PRIM2: variants seen among roughly 807,000 people sequenced by gnomAD.
PRIM2 encodes DNA primase subunit 2.
In PRIM2, 39 loss-of-function variants were observed where a neutral mutation model predicts 67.3. The observed-to-expected ratio is 0.58, with a 90% CI of 0.45 to 0.76. The LOEUF is 0.76. PRIM2 is among the 30% of genes least tolerant of loss of function. The pLI is 0.00. For synonymous variants in PRIM2, 143 were observed against 198.7 expected, an observed-to-expected ratio of 0.72 and a Z score of 2.36; for missense variants, 398 against 598.7, an observed-to-expected ratio of 0.66 and a Z score of 3.50.
the PRIM2 span, among the ~76,000 whole-genome samples, chr6:57,250,753 A>G: frequency 6.6e-6 from 1 of 152,190 alleles, no homozygotes; most frequent in African/African-American, 2.4e-5. Flanking sequence ...AAAAAGTGGT[A>G]AAAGATGAAG....
At position 57,542,939 on chromosome 6, in the gene PRIM2, A is replaced by ATTTTTTTTTTTTTTTTTTTTTT. The variant is rs1193756482; in HGVS notation, c.1020+5333_1020+5334insTTTTTTTTTTTTTTTTTTTTTT. Reference sequence around the variant, plus strand: ...GTTGGCTTAAAATACTGCTTATAGGATTTTTTTTTTTTTTTTTTTGAGACG... The same window carrying ATTTTTTTTTTTTTTTTTTTTTT: ...GTTGGCTTAAAATACTGCTTATAGGATTTTTTTTTTTTTTTTTTTTTTTTTTTTTTTTTTTTTTTTTGAGACG... On this transcript the variant is annotated intron_variant, in intron 10 of 13. Transcript: ENST00000615550. Among the ~76,000 whole-genome samples the ATTTTTTTTTTTTTTTTTTTTTT allele has an allele frequency of 1.7e-3, 122 of 71,876 alleles. 30 individuals carry two copies. Among genetic ancestry groups the ATTTTTTTTTTTTTTTTTTTTTT allele is most frequent in the African/African-American group, 2.0e-3 (30 of 14,772 alleles). 47.2% of individuals were successfully genotyped at this position (71,876 alleles called of 152,430 possible). A position where few individuals can be genotyped will look rare whatever the true frequency, so the allele number is the denominator to read the frequency against.
chr6:57,429,631 C>T (rs1331899611), intron 7 of PRIM2, among the ~76,000 whole-genome samples: 1 of 152,070 alleles, frequency 6.6e-6, no homozygotes. Flanking sequence ...TTTAAAGAGA[C>T]AATTAAGTTA....
Position 57,318,421 on chromosome 6 carries a change from T to C in PRIM2, c.-9-16T>C. 6.3e-7 allele frequency: 1 copy of C among 1,579,710 alleles called. No homozygotes were observed. The highest frequency in any genetic ancestry group is 1.2e-5 in the South Asian group (1 of 85,032). ...GTTTTCCATCATTTTACGCTTTTTG[T>C]GTACTTCCTTCTAAGGTGACCAAGA... is the stretch of plus-strand genomic sequence containing the variant. On this transcript the variant is annotated splice_polypyrimidine_tract_variant and intron_variant, in intron 1 of 13. Transcript: ENST00000615550.
In PRIM2 at chr6:57,478,326, GT is replaced by G. The variant is rs1266595712; in HGVS notation, c.694-29051del. ...TTTTATTAGTTGTTGTTGTGGTTGT[GT>G]TTTTTTTTTGTTTTTTTTTTTTTGA... On this transcript the variant is annotated intron_variant, in intron 7 of 13. Transcript: ENST00000615550. 5.8e-3 allele frequency among the ~76,000 whole-genome samples: 774 copies of G among 133,728 alleles called. 9 individuals carry two copies. The highest frequency in any genetic ancestry group is 0.022 in the African/African-American group (744 of 33,670). The allele number at this position is 133,728 out of a possible 152,430, so 87.7% of individuals were successfully genotyped here.
intron 5 of PRIM2, among the ~76,000 whole-genome samples, chr6:57,349,874 G>A (rs2127300029): frequency 6.6e-6 from 1 of 152,058 alleles, no homozygotes; most frequent in Middle Eastern, 3.4e-3. Flanking sequence ...GTTATATCTG[G>A]ATATTTTCCT....
At chr6:57,246,487 A>G in the PRIM2 span, among the ~76,000 whole-genome samples, 1 of 152,190 alleles carries the variant, frequency 6.6e-6, no homozygotes, top group Non-Finnish European at 1.5e-5. Context: ...ACGCCGTCCT[A>G]TCGGTGATGG....
chr6:57,382,847 G>A (rs890604364), intron 7 of PRIM2: 1 of 152,138 alleles, frequency 6.6e-6, no homozygotes, highest in Non-Finnish European at 1.5e-5. Context: ...TGACATGGCT[G>A]TTTTAAACTG....
the PRIM2 span, among the ~76,000 whole-genome samples, chr6:57,234,370 C>T: frequency 1.3e-5 from 2 of 152,158 alleles, no homozygotes; most frequent in Non-Finnish European, 2.9e-5. Context: ...TGTCATTGCA[C>T]TAGCATCACT....
chr6:57,395,041 A>C (rs1770476301), intron 7 of PRIM2, among the ~76,000 whole-genome samples: 1 of 151,874 alleles, frequency 6.6e-6, no homozygotes, highest in African/African-American at 2.4e-5. Flanking sequence ...TATCTTTTTG[A>C]TATGTTGTTG....
At chr6:57,631,740 T>C (rs1324524760) in intron 12 of PRIM2, among the ~76,000 whole-genome samples, 11 of 152,352 alleles carry the variant, frequency 7.2e-5, no homozygotes, top group Admixed American at 5.9e-4. Context: ...GTATACTTGA[T>C]TGCTTCATGC....
At chr6:57,605,899 CA>C (rs1187319613) in intron 11 of PRIM2, among the ~76,000 whole-genome samples, 2 of 152,108 alleles carry the variant, frequency 1.3e-5, no homozygotes, top group Admixed American at 6.6e-5. Flanking sequence ...AGGAAATAGG[CA>C]TATAATTTAC....
chr6:57,429,862 G>A (rs1771760401), intron 7 of PRIM2, among the ~76,000 whole-genome samples: 1 of 152,198 alleles, frequency 6.6e-6, no homozygotes, highest in South Asian at 2.1e-4. Context: ...CATTTTAATA[G>A]GCATATCTAA....
chr6:57,507,511 A>T, intron 8 of PRIM2, 57 bp downstream of exon 8: 1 of 1,444,760 alleles, frequency 6.9e-7, no homozygotes, highest in East Asian at 2.5e-5. Context: ...TAAAGTGAAT[A>T]AAGTATATTA....
intron 7 of PRIM2, among the ~76,000 whole-genome samples, chr6:57,495,378 ATCTAT>A (rs1367993239): frequency 2.6e-5 from 4 of 152,250 alleles, no homozygotes; most frequent in African/African-American, 7.2e-5. Context: ...AAGGCAAGAT[ATCTAT>A]CAAGGAAGAC....
At chr6:57,371,974 CAT>C (rs1210343499) in intron 5 of PRIM2, among the ~76,000 whole-genome samples, 2 of 152,216 alleles carry the variant, frequency 1.3e-5, no homozygotes, top group African/African-American at 4.8e-5. Flanking sequence ...TATATGTAAA[CAT>C]AGCAAATACG....
the PRIM2 span, among the ~76,000 whole-genome samples, chr6:57,295,968 C>T: frequency 6.6e-6 from 1 of 152,142 alleles, no homozygotes; most frequent in Non-Finnish European, 1.5e-5. Flanking sequence ...TAACCATAGT[C>T]ACAACCATTT....
Position 57,411,342 on chromosome 6 carries a change from G to A in PRIM2, c.693+29174G>A, listed in dbSNP as rs563612093. The stretch of plus-strand genomic sequence containing the variant: ...CTAGTAGCTTACGCCTATAATCCTC[G>A]CACTTTGGGAGGCTGAGGTAGGTGG... On this transcript the variant is annotated intron_variant, in intron 7 of 13. Coordinates refer to ENST00000615550, the MANE Select transcript of PRIM2 (RefSeq NM_000947.5). Among the ~76,000 whole-genome samples, 1,355 of 152,188 alleles carry A rather than the reference G, an allele frequency of 8.9e-3. 20 individuals are homozygous for A. Among genetic ancestry groups the A allele is most frequent in the African/African-American group, 0.031 (1,279 of 41,506 alleles).
At chr6:57,485,456 G>A (rs1406746591) in intron 7 of PRIM2, among the ~76,000 whole-genome samples, 6 of 152,044 alleles carry the variant, frequency 3.9e-5, no homozygotes, top group African/African-American at 1.4e-4. Flanking sequence ...GGTAGAGATA[G>A]GTCATGTGAA....
intron 13 of PRIM2, 74 bp downstream of exon 13, chr6:57,632,275 G>T (rs1718784444): frequency 6.8e-6 from 6 of 877,160 alleles, no homozygotes; most frequent in Non-Finnish European, 9.6e-6. Flanking sequence ...GTTTTTAGTT[G>T]CAGCAATGGA....
Sources: gnomAD v4.1 joint callset for allele counts (sites outside exome capture counted in the v4.1 genomes callset) on GRCh38, gnomAD v4.1.1 for gene constraint, MANE v1.5 for transcripts, NCBI Gene and HGNC (gene_info 2026-07-23, HGNC 2026-07-21) for gene names.